Variants in ANO4 observed in about 807,000 individuals in gnomAD.
ANO4 encodes the protein anoctamin 4, also known as anoctamin-4.
A neutral mutation model predicts 141.9 loss-of-function variants in ANO4; 69 were observed. The observed-to-expected ratio is 0.49, with a 90% CI of 0.40 to 0.59. ANO4 has a LOEUF of 0.59. Ranked by LOEUF, ANO4 falls within the 20% of genes least tolerant of loss-of-function variation. ANO4 has a pLI of 0.00. For synonymous variants in ANO4, 350 were observed against 394.3 expected, an observed-to-expected ratio of 0.89 and a Z score of 1.33; for missense variants, 894 against 1,162.2, an observed-to-expected ratio of 0.77 and a Z score of 3.36.
intron 5 of ANO4, among the ~76,000 whole-genome samples, chr12:100,960,118 C>T (rs1340135856): frequency 1.3e-5 from 2 of 152,134 alleles, no homozygotes; most frequent in African/African-American, 4.8e-5. Context: ...ATGGCTCCTG[C>T]CTACCCAAGT....
intron 3 of ANO4, chr12:100,740,174 C>T: frequency 1.5e-6 from 1 of 683,538 alleles, no homozygotes; most frequent in South Asian, 1.5e-5. Flanking sequence ...CATTTGCCTG[C>T]TGAATAAATT....
intron 22 of ANO4, among the ~76,000 whole-genome samples, chr12:101,105,848 C>T (rs1310745874): frequency 3.9e-5 from 6 of 152,204 alleles, no homozygotes; most frequent in African/African-American, 7.2e-5. Flanking sequence ...AGGCTGGGTA[C>T]GGTGGCCCAC....
chr12:100,901,374 C>T (rs1314461275), intron 1 of ANO4, among the ~76,000 whole-genome samples: 1 of 152,118 alleles, frequency 6.6e-6, no homozygotes, highest in African/African-American at 2.4e-5. Context: ...GTTCCTAAGC[C>T]CTACTGCTTT....
intron 9 of ANO4, among the ~76,000 whole-genome samples, chr12:101,034,784 A>G (rs2047127890): frequency 6.6e-6 from 1 of 152,214 alleles, no homozygotes; most frequent in South Asian, 2.1e-4. Flanking sequence ...ACAAGAGAAG[A>G]TATACAGATG....
At chr12:100,769,999 C>T (rs1057323670) in intron 3 of ANO4, among the ~76,000 whole-genome samples, 10 of 152,198 alleles carry the variant, frequency 6.6e-5, no homozygotes, top group African/African-American at 2.2e-4. Flanking sequence ...AGTAATTCAG[C>T]ATAGAGATTG....
At chr12:100,973,804 G>A (rs1165545351) in intron 6 of ANO4, among the ~76,000 whole-genome samples, 1 of 152,154 alleles carries the variant, frequency 6.6e-6, no homozygotes, top group Non-Finnish European at 1.5e-5. Flanking sequence ...ACCATTGCAG[G>A]ATCATGCAGA....
intron 1 of ANO4, among the ~76,000 whole-genome samples, chr12:100,847,364 A>G (rs949481152): frequency 9.2e-5 from 14 of 152,286 alleles, no homozygotes; most frequent in African/African-American, 2.6e-4. Context: ...TAAATGTTTA[A>G]AGTGTATCTT....
At chr12:100,795,311 A>G (rs2034239864) in intron 1 of ANO4, among the ~76,000 whole-genome samples, 1 of 152,126 alleles carries the variant, frequency 6.6e-6, no homozygotes. Flanking sequence ...ACGATGGTAA[A>G]CTGCAGCAGC....
At chr12:100,988,579 G>A (rs1002471620) in intron 8 of ANO4, among the ~76,000 whole-genome samples, 1 of 150,304 alleles carries the variant, frequency 6.7e-6, no homozygotes, top group African/African-American at 2.4e-5. Context: ...GATTTTGTGA[G>A]AAAGTAAACC....
upstream of ANO4, among the ~76,000 whole-genome samples, chr12:100,790,962 A>C (rs752810112): frequency 1.3e-4 from 20 of 152,210 alleles, no homozygotes; most frequent in Non-Finnish European, 2.2e-4. Flanking sequence ...AAGGATAATT[A>C]GGATTTTAGA....
chr12:100,793,412 C>G (rs965519206), upstream of ANO4, among the ~76,000 whole-genome samples: 2 of 152,150 alleles, frequency 1.3e-5, no homozygotes, highest in African/African-American at 4.8e-5. Flanking sequence ...TATCTGCTTC[C>G]TTGGAGCTCA....
At chr12:100,891,518 A>G (rs2135991355) in intron 1 of ANO4, among the ~76,000 whole-genome samples, 2 of 152,316 alleles carry the variant, frequency 1.3e-5, no homozygotes, top group East Asian at 3.9e-4. Context: ...CACTATTCTA[A>G]TAGATGTGGA....
chr12:100,993,049 C>A (rs371377770), intron 8 of ANO4, among the ~76,000 whole-genome samples: 1 of 152,072 alleles, frequency 6.6e-6, no homozygotes, highest in East Asian at 1.9e-4. Context: ...ACTAGCAGGG[C>A]GTGGTGGTGC....
intron 2 of ANO4, among the ~76,000 whole-genome samples, chr12:100,910,999 A>G (rs775871342): frequency 1.4e-4 from 22 of 152,132 alleles, no homozygotes; most frequent in Non-Finnish European, 2.2e-4. Context: ...CCAGGAGAGA[A>G]ACATTAGGAT....
chr12:101,046,561 TC>T (rs1401790570), intron 13 of ANO4, among the ~76,000 whole-genome samples: 1 of 152,042 alleles, frequency 6.6e-6, no homozygotes, highest in African/African-American at 2.4e-5. Flanking sequence ...TTTCTCAGGG[TC>T]TTTGTTTTTT....
At chr12:100,776,393 G>A (rs12227467) in intron 3 of ANO4, among the ~76,000 whole-genome samples, 44,081 of 152,006 alleles carry the variant, frequency 0.29, 6,758 homozygotes, top group Non-Finnish European at 0.35. Context: ...TTAATGGTTT[G>A]GTTCATAACC....
chr12:100,788,023 C>T (rs1015268558), intron 3 of ANO4, among the ~76,000 whole-genome samples: 2 of 152,128 alleles, frequency 1.3e-5, no homozygotes, highest in South Asian at 4.1e-4. Context: ...TTGAAATGAC[C>T]GTTAGAAAAT....
intron 3 of ANO4, among the ~76,000 whole-genome samples, chr12:100,924,460 G>A (rs1858033388): frequency 6.6e-6 from 1 of 152,070 alleles, no homozygotes; most frequent in African/African-American, 2.4e-5. Flanking sequence ...GCTCAGTACA[G>A]GATTTAAACA....
intron 1 of ANO4, among the ~76,000 whole-genome samples, chr12:100,818,093 C>G (rs2035833661): frequency 6.6e-6 from 1 of 151,602 alleles, no homozygotes; most frequent in Non-Finnish European, 1.5e-5. Context: ...GTTTCCTAAA[C>G]TTTTAGCTTA....
Sources: gnomAD v4.1 joint callset for allele counts (sites outside exome capture counted in the v4.1 genomes callset) on GRCh38, gnomAD v4.1.1 for gene constraint, MANE v1.5 for transcripts, NCBI Gene and HGNC (gene_info 2026-07-23, HGNC 2026-07-21) for gene names.